The following NLRC3 variants were observed in gnomAD, a reference collection of about 807,000 sequenced individuals.
NLRC3 encodes NLR family CARD domain-containing protein 3.
A neutral mutation model predicts 91.6 loss-of-function variants in NLRC3; 87 were observed. That is an observed-to-expected ratio of 0.95 (90% CI 0.80 to 1.14). The LOEUF (loss-of-function observed/expected upper bound fraction) is 1.14. NLRC3 is among the 50% of genes most tolerant of loss of function. The pLI is 0.00. For synonymous variants in NLRC3, 694 were observed against 625.3 expected (o/e 1.11, Z -1.64); for missense variants, 1,577 against 1,418.6 (o/e 1.11, Z -1.79).
chr16:3,565,404 A>G (rs1347694330), intron 2 of NLRC3, 24 bp from the exon 3 acceptor site: 1 of 479,776 alleles, frequency 2.1e-6, no homozygotes, highest in Non-Finnish European at 4.1e-6. Context: ...TGAGGTTACA[A>G]GTAAGTTTGC....
intron 6 of NLRC3, among the ~76,000 whole-genome samples, chr16:3,561,233 G>T (rs1036594179): frequency 6.6e-6 from 1 of 151,866 alleles, no homozygotes; most frequent in Non-Finnish European, 1.5e-5. Context: ...TCTAATCCCA[G>T]CTACTCAGGA....
intron 1 of NLRC3, among the ~76,000 whole-genome samples, chr16:3,567,627 C>T (rs967439653): frequency 1.3e-5 from 2 of 151,730 alleles, no homozygotes; most frequent in African/African-American, 4.8e-5. Flanking sequence ...TACAAATGAG[C>T]TGGGCATGGT....
rs766397231 is a variant in NLRC3, at chr16:3,564,592, G to A, written c.345C>T (p.Gly115=). Residue 115 remains glycine, a synonymous_variant, in exon 5 of 20, where the codon GGC becomes GGT. Transcript: ENST00000359128. This position sits in a 1 kb window ranked among gnomAD's most constrained non-coding sequence, Gnocchi z 5.9. ...GGGCGACGGTCCTGGCGGGGTGCCC[G>A]CCCCCGCGGGTGGCCTCCACCTGTG... ...DFTQVEATRG[G]GHPARTVALD... The A allele has an allele frequency of 2.7e-5, 44 of 1,610,980 alleles. No homozygotes were observed. The South Asian group carries it at 4.1e-4, about 15-fold the overall frequency.
intron 6 of NLRC3, among the ~76,000 whole-genome samples, chr16:3,560,475 C>G (rs1012755170): frequency 1.6e-4 from 25 of 152,106 alleles, no homozygotes; most frequent in African/African-American, 5.8e-4. Context: ...CCAAACTCAC[C>G]TCCCTAGGTC....
intron 14 of NLRC3, 105 bp downstream of exon 14, chr16:3,548,565 A>T: frequency 1.2e-6 from 1 of 855,410 alleles, no homozygotes; most frequent in Non-Finnish European, 1.9e-6. Context: ...AGACCTTTGC[A>T]GGGGGTGTCC....
chr16:3,564,953 G>A lies in NLRC3; in HGVS notation c.84C>T (p.Leu28=). The A allele has an allele frequency of 1.2e-6, 2 of 1,610,850 alleles. No individual in the cohort carries two copies. The highest frequency in any genetic ancestry group is 2.2e-5 in the South Asian group (2 of 90,998). The change falls in exon 4 of 20, where the codon CTC becomes CTT. Residue 28 remains leucine (L), a synonymous_variant. Transcript: ENST00000359128. This position sits in a 1 kb window ranked among gnomAD's most constrained non-coding sequence, Gnocchi z 5.9. ...TGSPAEQVKA[L]MDLLAGKGSQ... Reference sequence around the variant, plus strand: ...TGCCCTTCCCAGCCAGCAGATCCATGAGGGCTTTCACCTGCTCGGCTGGGG... The same window carrying A: ...TGCCCTTCCCAGCCAGCAGATCCATAAGGGCTTTCACCTGCTCGGCTGGGG...
chr16:3,543,101 T>C (rs1408884459), intron 17 of NLRC3: 2 of 486,004 alleles, frequency 4.1e-6, no homozygotes, highest in Non-Finnish European at 7.5e-6. Context: ...GCAGGAATTC[T>C]GAGGACATGC....
intron 17 of NLRC3, chr16:3,543,072 C>T (rs576317171): frequency 4.0e-6 from 2 of 496,116 alleles, no homozygotes; most frequent in East Asian, 7.1e-5. Flanking sequence ...TGGGCAGGTC[C>T]CCAGTGCTCC....
At position 3,539,796 on chromosome 16, in the gene NLRC3, T is replaced by C. The variant is rs1052334758; in HGVS notation, c.*2029A>G. 2.0e-5 allele frequency: 3 copies of C among 152,248 alleles called. No individual in the cohort carries two copies. The highest frequency in any genetic ancestry group is 6.5e-5 in the Admixed American group (1 of 15,288). The allele number at this position is 152,248 out of a possible 1,614,324, so 9.4% of individuals were successfully genotyped here. The stretch of plus-strand genomic sequence containing the variant: ...CTACAAGTGATCCAAATGTTCTTTA[T>C]AGCAGACTTTTTCCTGCAGTCTAGG... On this transcript the variant is annotated 3_prime_UTR_variant, in exon 20 of 20. Transcript: ENST00000359128.
chr16:3,554,573 A>C lies in NLRC3; in HGVS notation c.2184-248T>G, dbSNP rs199476285. 1.3e-5 allele frequency among the ~76,000 whole-genome samples: 2 copies of C among 152,192 alleles called. No homozygotes were observed. The highest frequency in any genetic ancestry group is 4.8e-5 in the African/African-American group (2 of 41,432). On this transcript the variant is annotated intron_variant, in intron 8 of 19. Coordinates refer to ENST00000359128, the MANE Select transcript of NLRC3 (RefSeq NM_178844.4). Reference sequence around the variant, plus strand: ...GTGCTTCTGCTCTCTGAATAACCACAACAAAGTCATCAATTGCCCTCATTA... The same window carrying C: ...GTGCTTCTGCTCTCTGAATAACCACCACAAAGTCATCAATTGCCCTCATTA...
Position 3,544,304 on chromosome 16 carries a change from C to T in NLRC3, c.2797G>A (p.Asp933Asn). ...LDLQENAIGDDGACAVARALK... is the reference protein window; with the variant it reads ...LDLQENAIGDNGACAVARALK... The stretch of plus-strand genomic sequence containing the variant: ...GCACGGGCCACCGCACACGCTCCGT[C>T]ATCCCCGATGGCGTTCTCCTGTAAA... The change falls in exon 16 of 20, where the codon GAC becomes AAC. Residue 933 changes from aspartate to asparagine, a missense_variant. Coordinates refer to ENST00000359128, the MANE Select transcript of NLRC3 (RefSeq NM_178844.4). 1.2e-6 allele frequency: 2 copies of T among 1,613,530 alleles called. No individual in the cohort carries two copies. Among genetic ancestry groups the T allele is most frequent in the South Asian group, 1.1e-5 (1 of 91,072 alleles).
Position 3,561,753 on chromosome 16 carries a change from T to C in NLRC3, c.1964A>G (p.Glu655Gly). Residue 655 changes from glutamate (E) to glycine (G), a missense_variant, in exon 6 of 20, where the codon GAG (glutamate) becomes GGG (glycine). Coordinates refer to ENST00000359128, the MANE Select transcript of NLRC3 (RefSeq NM_178844.4). ...CCCACTCAGCACGCTGCCCAGCAGCTCCATCACGGGGTCCTGGAACTGGTT... is the reference window on the plus strand; with the variant it reads ...CCCACTCAGCACGCTGCCCAGCAGCCCCATCACGGGGTCCTGGAACTGGTT... The part of the protein sequence containing the change: ...DTNQFQDPVM[E>G]LLGSVLSGKD... The C allele has an allele frequency of 6.2e-7, 1 of 1,613,600 alleles. No homozygotes were observed. Among genetic ancestry groups the C allele is most frequent in the African/African-American group, 1.3e-5 (1 of 75,050 alleles).
chr16:3,566,178 G>A (rs948126025), intron 2 of NLRC3, among the ~76,000 whole-genome samples: 5 of 149,448 alleles, frequency 3.3e-5, no homozygotes, highest in East Asian at 2.0e-4. Context: ...CGACATGTCC[G>A]TGTAGGTTTA....
In NLRC3 at chr16:3,563,455, A is replaced by G; in HGVS notation, c.1482T>C (p.His494=). The stretch of plus-strand genomic sequence containing the variant: ...TGGCCCGCTGGGCTGCGCTCCTGAA[A>G]TGCGTGAGGAAGCCCAGCCTGGGCC... ...VSWPRLGFLT[H]FRSAAQRAMQ... is the part of the protein sequence containing the mutation. The change falls in exon 5 of 20, where the codon CAT becomes CAC. Residue 494 remains histidine (H), a synonymous_variant. Coordinates refer to ENST00000359128, the MANE Select transcript of NLRC3 (RefSeq NM_178844.4). 4 of 1,581,604 alleles carry G rather than the reference A, an allele frequency of 2.5e-6. No homozygotes were observed. In the South Asian group the frequency reaches 4.6e-5, roughly 18 times the overall value.
chr16:3,569,397 A>T (rs200774851), intron 1 of NLRC3, among the ~76,000 whole-genome samples: 4,527 of 41,282 alleles, frequency 0.11, 494 homozygotes, highest in African/African-American at 0.16. Flanking sequence ...TATATATATT[A>T]TTTTTTTTTT....
chr16:3,557,182 T>C (rs1478739782), intron 7 of NLRC3, among the ~76,000 whole-genome samples, 188 bp from the exon 8 acceptor site: 3 of 152,182 alleles, frequency 2.0e-5, no homozygotes, highest in Admixed American at 6.5e-5. Context: ...CACGACTGTC[T>C]CAGGTGTTGG....
At chr16:3,546,868 A>G (rs551153721) in intron 15 of NLRC3, among the ~76,000 whole-genome samples, 2 of 152,248 alleles carry the variant, frequency 1.3e-5, no homozygotes, top group East Asian at 3.9e-4. Context: ...CGAAGATGAC[A>G]TAGGACGATC....
chr16:3,547,555 A>C (rs1176773684), intron 15 of NLRC3, among the ~76,000 whole-genome samples: 1 of 152,096 alleles, frequency 6.6e-6, no homozygotes, highest in African/African-American at 2.4e-5. Context: ...TTATATCTCA[A>C]TCAAGCTGTC....
intron 9 of NLRC3, among the ~76,000 whole-genome samples, chr16:3,553,900 C>A (rs2039149808): frequency 6.7e-6 from 1 of 150,302 alleles, no homozygotes; most frequent in African/African-American, 2.5e-5. Context: ...CACCACCATG[C>A]CTGGTTAATT....
Sources: gnomAD v4.1 joint callset for allele counts (sites outside exome capture counted in the v4.1 genomes callset) on GRCh38, gnomAD v4.1.1 for gene constraint, Gnocchi (gnomAD v3.1) non-coding constraint, MANE v1.5 for transcripts, NCBI Gene and HGNC (gene_info 2026-07-23, HGNC 2026-07-21) for gene names.